Variants in KIRREL3 observed in about 807,000 individuals in gnomAD.
KIRREL3 encodes the protein kirre like nephrin family adhesion molecule 3.
A neutral mutation model predicts 89.7 loss-of-function variants in KIRREL3; 36 were observed. That is an observed-to-expected ratio of 0.40 (90% confidence interval 0.31 to 0.53). KIRREL3 has a LOEUF of 0.53. KIRREL3 is among the 20% of genes least tolerant of loss of function. The pLI, the probability that KIRREL3 is intolerant of heterozygous loss-of-function variation, is 0.49. For missense variants in KIRREL3, 864 were observed against 1,056.6 expected, an observed-to-expected ratio of 0.82 and a Z score of 2.53; for synonymous variants, 445 against 441.4, an observed-to-expected ratio of 1.01 and a Z score of -0.10.
At chr11:126,929,313 G>A (rs774766894) in intron 1 of KIRREL3, among the ~76,000 whole-genome samples, 6 of 152,024 alleles carry the variant, frequency 3.9e-5, no homozygotes, top group African/African-American at 9.7e-5. Flanking sequence ...CTAATGATCC[G>A]AATGAAATCC....
intron 1 of KIRREL3, among the ~76,000 whole-genome samples, chr11:126,934,090 G>A (rs542985613): frequency 6.6e-6 from 1 of 152,146 alleles, no homozygotes; most frequent in East Asian, 1.9e-4. Flanking sequence ...AATCCACACA[G>A]TGTGGTGCTG....
rs116172547 is a variant in KIRREL3 at position 126,791,119 on chromosome 11, C to A, written c.55+209336G>T. On this transcript the variant is annotated intron_variant, in intron 1 of 16. Transcript: ENST00000525144. The surrounding 1 kb of genome is among the most constrained non-coding windows in gnomAD (Gnocchi z 4.8). The stretch of plus-strand genomic sequence containing the variant: ...CTACCGTTAGGACAGGAAGGAAAAA[C>A]CATCTTTGGTAACAAAAGATCAGAA... 0.029 allele frequency among the ~76,000 whole-genome samples: 4,356 copies of A among 152,148 alleles called. 207 individuals are homozygous for A. Among genetic ancestry groups the A allele is most frequent in the African/African-American group, 0.1 (4,138 of 41,508 alleles).
chr11:126,813,273 A>G (rs997332558), intron 1 of KIRREL3, among the ~76,000 whole-genome samples: 2 of 152,172 alleles, frequency 1.3e-5, no homozygotes, highest in African/African-American at 4.8e-5. Context: ...CTGGGGCATT[A>G]ATAAGGCTTT....
chr11:126,898,330 G>C lies in KIRREL3; in HGVS notation c.55+102125C>G, dbSNP rs1337904776. 6.6e-6 allele frequency among the ~76,000 whole-genome samples: 1 copy of C among 152,114 alleles called. No individual in the cohort carries two copies. The highest frequency in any genetic ancestry group is 1.5e-5 in the Non-Finnish European group (1 of 68,044). On this transcript the variant is annotated intron_variant, in intron 1 of 16. Coordinates refer to ENST00000525144, the MANE Select transcript of KIRREL3 (RefSeq NM_032531.4). The surrounding 1 kb of genome is among the most constrained non-coding windows in gnomAD (Gnocchi z 4.9). ...GAACCAGTGTTGAGAATATAAACTGGTCGGATATTTTAGAATATTCCTGGC... is the reference window on the plus strand; with the variant it reads ...GAACCAGTGTTGAGAATATAAACTGCTCGGATATTTTAGAATATTCCTGGC...
At position 126,776,715 on chromosome 11, in the gene KIRREL3, G is replaced by A. The variant is rs1950179017; in HGVS notation, c.56-213803C>T. ...TTGTGGTAATCCAAAGAGAACAGAG[G>A]GAATGCTTATGGAACACCAACACCA... On this transcript the variant is annotated intron_variant, in intron 1 of 16. Coordinates refer to ENST00000525144, the MANE Select transcript of KIRREL3 (RefSeq NM_032531.4). This position sits in a 1 kb window ranked among gnomAD's most constrained non-coding sequence, Gnocchi z 4.7. Among the ~76,000 whole-genome samples, 1 of 152,174 alleles carries A rather than the reference G, an allele frequency of 6.6e-6. No individual in the cohort carries two copies. The highest frequency in any genetic ancestry group is 1.5e-5 in the Non-Finnish European group (1 of 68,042).
chr11:126,575,579 G>T lies in KIRREL3; in HGVS notation c.56-12667C>A, dbSNP rs528266801. 2.0e-5 allele frequency among the ~76,000 whole-genome samples: 3 copies of T among 152,244 alleles called. No individual in the cohort carries two copies. Among genetic ancestry groups the T allele is most frequent in the South Asian group, 2.1e-4 (1 of 4,816 alleles). On this transcript the variant is annotated intron_variant, in intron 1 of 16. Coordinates refer to ENST00000525144, the MANE Select transcript of KIRREL3 (RefSeq NM_032531.4). This position sits in a 1 kb window ranked among gnomAD's most constrained non-coding sequence, Gnocchi z 7.0. ...TAATATATTATTAGAAAGTACAGGG[G>T]TATGCTAAAAGTCAGGAAAATAATA...
chr11:126,786,555 C>A (rs897214400), intron 1 of KIRREL3, among the ~76,000 whole-genome samples: 1 of 152,096 alleles, frequency 6.6e-6, no homozygotes, highest in Non-Finnish European at 1.5e-5. Context: ...TAAACATGGC[C>A]TGGAAAAAAT....
chr11:126,500,857 A>G (rs1469838665), intron 4 of KIRREL3, among the ~76,000 whole-genome samples: 1 of 151,996 alleles, frequency 6.6e-6, no homozygotes, highest in Non-Finnish European at 1.5e-5. Context: ...AGAATGGGAG[A>G]CTAAGTGGGG....
At chr11:126,753,015 T>C (rs764993823) in intron 1 of KIRREL3, among the ~76,000 whole-genome samples, 14 of 152,098 alleles carry the variant, frequency 9.2e-5, no homozygotes, top group Non-Finnish European at 1.5e-4. Flanking sequence ...GACCCATGGG[T>C]ACAAAGATCA....
intron 4 of KIRREL3, among the ~76,000 whole-genome samples, chr11:126,497,213 TGTGAGAGTGA>T (rs1957692653): frequency 1.3e-4 from 6 of 46,576 alleles, no homozygotes; most frequent in African/African-American, 3.5e-4. Flanking sequence ...AGTGTGAGTG[TGTGAGAGTGA>T]GTGTGTGTGA....
chr11:126,690,039 A>G (rs886082593), intron 1 of KIRREL3, among the ~76,000 whole-genome samples: 1 of 152,068 alleles, frequency 6.6e-6, no homozygotes, highest in Non-Finnish European at 1.5e-5. Flanking sequence ...AAGTCACTGG[A>G]GGAGGCCCGA....
chr11:126,682,713 C>A lies in KIRREL3; in HGVS notation c.56-119801G>T, dbSNP rs553635579. ...GCACACAGCCTAGATCCATCACATG[C>A]GCAGTTCACAACAGGGCTGGTGCTC... On this transcript the variant is annotated intron_variant, in intron 1 of 16. Coordinates refer to ENST00000525144, the MANE Select transcript of KIRREL3 (RefSeq NM_032531.4). This position sits in a 1 kb window ranked among gnomAD's most constrained non-coding sequence, Gnocchi z 4.8. Among the ~76,000 whole-genome samples the A allele has an allele frequency of 6.6e-6, 1 of 152,188 alleles. No homozygotes were observed. The highest frequency in any genetic ancestry group is 1.9e-4 in the East Asian group (1 of 5,152).
chr11:126,678,763 C>T (rs202202892), intron 1 of KIRREL3, among the ~76,000 whole-genome samples: 5 of 152,134 alleles, frequency 3.3e-5, no homozygotes, highest in African/African-American at 9.7e-5. Flanking sequence ...CACCCATTGC[C>T]GTGGCTTCTG....
intron 1 of KIRREL3, among the ~76,000 whole-genome samples, chr11:126,713,695 G>C (rs1178256366): frequency 1.3e-5 from 2 of 152,166 alleles, no homozygotes; most frequent in African/African-American, 4.8e-5. Context: ...CAATTACCAT[G>C]GTGATAAGTG....
chr11:126,850,155 C>T (rs1032653790), intron 1 of KIRREL3, among the ~76,000 whole-genome samples: 4 of 152,140 alleles, frequency 2.6e-5, no homozygotes, highest in Non-Finnish European at 5.9e-5. Flanking sequence ...GCAAACATCG[C>T]GGAGACAACA....
Position 126,521,515 on chromosome 11 carries a change from C to A in KIRREL3, c.284-51G>T, listed in dbSNP as rs1958586577. ...GAGCTGGGGTGGGGTGGAGGGGACA[C>A]CCATGACAAAGAGGCACAGAATGGA... is the stretch of plus-strand genomic sequence containing the variant. On this transcript the variant is annotated intron_variant, in intron 3 of 16. Coordinates refer to ENST00000525144, the MANE Select transcript of KIRREL3 (RefSeq NM_032531.4). The surrounding 1 kb of genome is among the most constrained non-coding windows in gnomAD (Gnocchi z 4.1). The A allele has an allele frequency of 6.6e-7, 1 of 1,509,162 alleles. No individual in the cohort carries two copies. The highest frequency in any genetic ancestry group is 8.9e-7 in the Non-Finnish European group (1 of 1,119,074). 93.5% of individuals were successfully genotyped at this position (1,509,162 alleles called of 1,614,324 possible).
chr11:126,913,945 C>T (rs1438590792), intron 1 of KIRREL3, among the ~76,000 whole-genome samples: 1 of 152,206 alleles, frequency 6.6e-6, no homozygotes, highest in Non-Finnish European at 1.5e-5. Flanking sequence ...CAATAGGTCA[C>T]CCTTTCCACC....
chr11:126,817,249 G>T lies in KIRREL3; in HGVS notation c.55+183206C>A, dbSNP rs1165907329. Among the ~76,000 whole-genome samples the T allele has an allele frequency of 6.6e-6, 1 of 152,288 alleles. No individual in the cohort carries two copies. Among genetic ancestry groups the T allele is most frequent in the East Asian group, 1.9e-4 (1 of 5,182 alleles). On this transcript the variant is annotated intron_variant, in intron 1 of 16. Coordinates refer to ENST00000525144, the MANE Select transcript of KIRREL3 (RefSeq NM_032531.4). The surrounding 1 kb of genome is among the most constrained non-coding windows in gnomAD (Gnocchi z 5.7). ...CACCCTGTTGAGGATGTTTACTTTT[G>T]CATCTGTCAACTGAAAAGGAAGGAA...
rs1380449963 is a variant in KIRREL3, at chr11:126,807,928, G to A, written c.55+192527C>T. Among the ~76,000 whole-genome samples the A allele has an allele frequency of 6.6e-6, 1 of 152,228 alleles. No homozygotes were observed. Among genetic ancestry groups the A allele is most frequent in the Non-Finnish European group, 1.5e-5 (1 of 68,044 alleles). On this transcript the variant is annotated intron_variant, in intron 1 of 16. Transcript: ENST00000525144. This position sits in a 1 kb window ranked among gnomAD's most constrained non-coding sequence, Gnocchi z 4.3. ...GTGACTAATATGCCCAAGGCCATGGGCTGCAACCTTTTTATCTGTATCCCT... is the reference window on the plus strand; with the variant it reads ...GTGACTAATATGCCCAAGGCCATGGACTGCAACCTTTTTATCTGTATCCCT...
Sources: gnomAD v4.1 joint callset for allele counts (sites outside exome capture counted in the v4.1 genomes callset) on GRCh38, gnomAD v4.1.1 for gene constraint, Gnocchi (gnomAD v3.1) non-coding constraint, MANE v1.5 for transcripts, NCBI Gene and HGNC (gene_info 2026-07-23, HGNC 2026-07-21) for gene names.